Variants in PHF2 observed in about 807,000 individuals in gnomAD.
PHF2 encodes the protein lysine-specific demethylase PHF2.
In PHF2, 27 loss-of-function variants were observed where a neutral mutation model predicts 120.5. The observed-to-expected ratio is 0.22, with a 90% CI of 0.17 to 0.31. The LOEUF (loss-of-function observed/expected upper bound fraction) is 0.31, where lower values mean the gene tolerates loss of function less well. Ranked by LOEUF, PHF2 falls within the 10% of genes least tolerant of loss-of-function variation. PHF2 has a pLI of 1.00. For missense variants in PHF2, 1,024 were observed against 1,434.8 expected (o/e 0.71, Z 4.63); for synonymous variants, 568 against 592.5 (o/e 0.96, Z 0.60).
At chr9:93,626,380 T>C (rs983502185) in intron 1 of PHF2, among the ~76,000 whole-genome samples, 31 of 152,270 alleles carry the variant, frequency 2.0e-4, no homozygotes, top group Admixed American at 1.9e-3. Flanking sequence ...CATATTTCTT[T>C]GAAGAAATGT....
chr9:93,589,965 T>A (rs941823384), intron 1 of PHF2, among the ~76,000 whole-genome samples: 1 of 152,238 alleles, frequency 6.6e-6, no homozygotes, highest in Non-Finnish European at 1.5e-5. Context: ...TTCCCCTGGT[T>A]GGCATGTAGC....
intron 17 of PHF2, chr9:93,671,038 TG>T: frequency 4.2e-6 from 4 of 954,080 alleles, no homozygotes; most frequent in Non-Finnish European, 4.9e-6. Flanking sequence ...GGTGCAGGTG[TG>T]GGGGTAGGTG....
chr9:93,630,198 G>C, intron 2 of PHF2, 143 bp downstream of exon 2: 2 of 743,052 alleles, frequency 2.7e-6, no homozygotes, highest in Non-Finnish European at 4.6e-6. Context: ...TCTAGGCCTG[G>C]GGACCCTGCC....
At chr9:93,668,647 G>A (rs555727434) in intron 17 of PHF2, among the ~76,000 whole-genome samples, 1 of 152,270 alleles carries the variant, frequency 6.6e-6, no homozygotes, top group African/African-American at 2.4e-5. Context: ...TTTGTGCTCA[G>A]GTCTGTGAGG....
chr9:93,626,649 A>C (rs555704679), intron 1 of PHF2, among the ~76,000 whole-genome samples: 3 of 152,154 alleles, frequency 2.0e-5, no homozygotes, highest in African/African-American at 7.2e-5. Flanking sequence ...CTAGGAATCT[A>C]TTGTCAAATT....
intron 17 of PHF2, among the ~76,000 whole-genome samples, chr9:93,673,020 G>T (rs1826836594): frequency 6.6e-6 from 1 of 151,820 alleles, no homozygotes; most frequent in African/African-American, 2.4e-5. Flanking sequence ...GTGGGTAAAG[G>T]TGGGGGTGTG....
At chr9:93,654,310 T>G (rs1587708807) in intron 6 of PHF2, 103 bp from the exon 7 acceptor site, 2 of 1,016,720 alleles carry the variant, frequency 2.0e-6, no homozygotes, top group East Asian at 2.5e-5. Context: ...CAGGCGGGAG[T>G]CGTGGACCTG....
At chr9:93,658,413 C>G (rs1826498327) in intron 10 of PHF2, among the ~76,000 whole-genome samples, 177 bp downstream of exon 10, 1 of 152,140 alleles carries the variant, frequency 6.6e-6, no homozygotes, top group African/African-American at 2.4e-5. Flanking sequence ...CCCCAGACAC[C>G]CCATGGGTCC....
At chr9:93,675,303 C>A (rs552014131) in intron 19 of PHF2, among the ~76,000 whole-genome samples, 1 of 152,372 alleles carries the variant, frequency 6.6e-6, no homozygotes, top group African/African-American at 2.4e-5. Flanking sequence ...CTGGTTTCTT[C>A]CTCAATGGGC....
In PHF2 at chr9:93,662,043, GTGAGTGGATGGA is replaced by G. The variant is rs552196387; in HGVS notation, c.1699-849_1699-838del. On this transcript the variant is annotated intron_variant, in intron 12 of 21. Coordinates refer to ENST00000359246, the MANE Select transcript of PHF2 (RefSeq NM_005392.4). ...TAGATGATGAATGAATCAACAAATGGTGAGTGGATGGATGAGTGGATGGATGGTTGGGTGGAT... is the reference window on the plus strand; with the variant it reads ...TAGATGATGAATGAATCAACAAATGGTGAGTGGATGGATGGTTGGGTGGAT... Among the ~76,000 whole-genome samples the G allele has an allele frequency of 9.9e-5, 15 of 151,314 alleles. No homozygotes were observed. The South Asian group carries it at 1.9e-3, about 19-fold the overall frequency.
At chr9:93,646,772 G>T (rs917015848) in intron 4 of PHF2, among the ~76,000 whole-genome samples, 1 of 152,220 alleles carries the variant, frequency 6.6e-6, no homozygotes, top group Non-Finnish European at 1.5e-5. Flanking sequence ...GGGCTACCGA[G>T]ACTGGGCTCC....
intron 1 of PHF2, among the ~76,000 whole-genome samples, chr9:93,624,092 C>T (rs879045429): frequency 6.6e-6 from 1 of 152,250 alleles, no homozygotes. Context: ...TCTGGGCAGG[C>T]ACTTAACCTC....
chr9:93,632,978 A>G (rs1015628179), intron 2 of PHF2, among the ~76,000 whole-genome samples: 3 of 152,130 alleles, frequency 2.0e-5, no homozygotes, highest in Admixed American at 6.5e-5. Flanking sequence ...TACTCCAGGC[A>G]CGCCTTGCAC....
At chr9:93,669,923 TG>T (rs1162947275) in intron 17 of PHF2, among the ~76,000 whole-genome samples, 2 of 152,200 alleles carry the variant, frequency 1.3e-5, no homozygotes, top group African/African-American at 4.8e-5. Flanking sequence ...CATGCAGAGC[TG>T]GGTGGCCCGC....
intron 2 of PHF2, among the ~76,000 whole-genome samples, chr9:93,634,948 A>G (rs1169441669): frequency 6.6e-6 from 1 of 152,066 alleles, no homozygotes; most frequent in Non-Finnish European, 1.5e-5. Context: ...TCCCACAGCC[A>G]CCCCACAAGG....
chr9:93,578,399 A>G (rs1357900163), intron 1 of PHF2, among the ~76,000 whole-genome samples: 1 of 152,230 alleles, frequency 6.6e-6, no homozygotes, highest in Non-Finnish European at 1.5e-5. Context: ...GGCCGGGCCA[A>G]AGTGAGTGAG....
intron 1 of PHF2, among the ~76,000 whole-genome samples, chr9:93,578,152 G>A (rs968838525): frequency 6.6e-6 from 1 of 152,162 alleles, no homozygotes; most frequent in Non-Finnish European, 1.5e-5. Context: ...GGGTGGCTGG[G>A]ATGTGACAGG....
rs751282822 is a variant in PHF2, at chr9:93,652,290, C to CTTT, written c.603-870_603-868dup. On this transcript the variant is annotated intron_variant, in intron 5 of 21. Coordinates refer to ENST00000359246, the MANE Select transcript of PHF2 (RefSeq NM_005392.4). The stretch of plus-strand genomic sequence containing the variant: ...ACTGCACGGGTGCTGTTGAGCTTGA[C>CTTT]TTTTTTTTTTTTTTTTTTTTTGGAG... Among the ~76,000 whole-genome samples, 833 of 96,298 alleles carry CTTT rather than the reference C, an allele frequency of 8.7e-3. 27 individuals are homozygous for CTTT. The highest frequency in any genetic ancestry group is 0.033 in the African/African-American group (745 of 22,322). The allele number at this position is 96,298 out of a possible 152,430, so 63.2% of individuals were successfully genotyped here.
intron 17 of PHF2, among the ~76,000 whole-genome samples, chr9:93,669,198 C>A (rs1826736694): frequency 6.6e-6 from 1 of 152,246 alleles, no homozygotes; most frequent in African/African-American, 2.4e-5. Flanking sequence ...GGCCACCCCC[C>A]AGCCCCCCGT....
Sources: allele counts gnomAD v4.1 joint callset (sites outside exome capture counted in the v4.1 genomes callset), GRCh38; gene constraint gnomAD v4.1.1; transcripts MANE v1.5; gene names NCBI Gene and HGNC (gene_info 2026-07-23, HGNC 2026-07-21).